CDH12: variants seen among roughly 807,000 people sequenced by gnomAD.
CDH12 encodes cadherin 12.
A neutral mutation model predicts 74.1 loss-of-function variants in CDH12; 41 were observed. The observed-to-expected ratio is 0.55, with a 90% CI of 0.43 to 0.72. The LOEUF (loss-of-function observed/expected upper bound fraction) is 0.72. Among genes scored for constraint, CDH12 ranks in the 30% least tolerant of loss-of-function variants. CDH12 has a pLI of 0.00. For synonymous variants in CDH12, 399 were observed against 355.0 expected (o/e 1.12, Z -1.39); for missense variants, 945 against 977.2 (o/e 0.97, Z 0.44).
chr5:22,071,376 C>T (rs954340578), intron 5 of CDH12, among the ~76,000 whole-genome samples: 1 of 151,924 alleles, frequency 6.6e-6, no homozygotes, highest in African/African-American at 2.4e-5. Context: ...TTTCTTTATG[C>T]TTTAGACAAA....
At chr5:22,432,729 T>C (rs1744226286) in intron 2 of CDH12, among the ~76,000 whole-genome samples, 1 of 152,180 alleles carries the variant, frequency 6.6e-6, no homozygotes, top group Non-Finnish European at 1.5e-5. Flanking sequence ...GCTCACTTCA[T>C]ATTTCCTGTA....
chr5:22,023,800 G>C (rs1738161488), intron 5 of CDH12, among the ~76,000 whole-genome samples: 1 of 152,070 alleles, frequency 6.6e-6, no homozygotes, highest in Non-Finnish European at 1.5e-5. Flanking sequence ...CTCACACTAA[G>C]CTGGTTATGT....
chr5:22,636,562 T>G (rs1160134905), intron 1 of CDH12, among the ~76,000 whole-genome samples: 1 of 152,188 alleles, frequency 6.6e-6, no homozygotes, highest in Non-Finnish European at 1.5e-5. Context: ...AAGAAGCTAG[T>G]TATTTAAAAA....
At chr5:22,228,529 T>C (rs1157423394) in intron 3 of CDH12, among the ~76,000 whole-genome samples, 1 of 152,206 alleles carries the variant, frequency 6.6e-6, no homozygotes, top group Non-Finnish European at 1.5e-5. Context: ...GACAAAAATA[T>C]GTAAATAGAT....
chr5:22,620,866 T>C (rs1293204119), intron 1 of CDH12, among the ~76,000 whole-genome samples: 1 of 152,136 alleles, frequency 6.6e-6, no homozygotes, highest in Non-Finnish European at 1.5e-5. Flanking sequence ...GGTGATAAAA[T>C]TTGTAAAACC....
chr5:22,782,545 C>T (rs896753658), intron 1 of CDH12, among the ~76,000 whole-genome samples: 1 of 152,078 alleles, frequency 6.6e-6, no homozygotes, highest in East Asian at 1.9e-4. Context: ...GTCAATTAAA[C>T]CTCTTTTATT....
chr5:22,562,334 AC>A (rs1309422413), intron 1 of CDH12, among the ~76,000 whole-genome samples: 2 of 133,778 alleles, frequency 1.5e-5, no homozygotes, highest in East Asian at 2.5e-4. Flanking sequence ...AAAACAAAAA[AC>A]AAACAAACAA....
intron 5 of CDH12, among the ~76,000 whole-genome samples, chr5:22,013,144 T>A (rs966460524): frequency 6.6e-6 from 1 of 152,184 alleles, no homozygotes; most frequent in African/African-American, 2.4e-5. Flanking sequence ...GAGGTTTAAC[T>A]GAATTACAAT....
At chr5:22,538,672 G>C (rs1048783749) in intron 1 of CDH12, among the ~76,000 whole-genome samples, 1 of 152,076 alleles carries the variant, frequency 6.6e-6, no homozygotes, top group African/African-American at 2.4e-5. Context: ...TGAAATACCA[G>C]TATTTTTTAT....
intron 3 of CDH12, among the ~76,000 whole-genome samples, chr5:22,315,568 T>C (rs1738597518): frequency 1.3e-5 from 2 of 152,108 alleles, no homozygotes; most frequent in Admixed American, 6.5e-5. Context: ...CATTTACTCA[T>C]AAAATTAAGA....
intron 6 of CDH12, among the ~76,000 whole-genome samples, chr5:21,872,783 G>GATCTATCTATCT (rs60717134): frequency 1.2e-4 from 17 of 142,022 alleles, no homozygotes; most frequent in South Asian, 4.5e-4. Context: ...TTAAGAGTAA[G>GATCTATCTATCT]ATCTATCTAT....
intron 1 of CDH12, among the ~76,000 whole-genome samples, chr5:22,769,122 T>C: frequency 6.6e-6 from 1 of 152,246 alleles, no homozygotes; most frequent in Middle Eastern, 3.4e-3. Flanking sequence ...CTTGATTGAA[T>C]TGAGGGATGC....
chr5:21,826,343 G>A (rs1374340216), intron 8 of CDH12, among the ~76,000 whole-genome samples: 1 of 152,136 alleles, frequency 6.6e-6, no homozygotes, highest in Non-Finnish European at 1.5e-5. Flanking sequence ...TCAGCAAGTA[G>A]TATTTCCACC....
intron 1 of CDH12, among the ~76,000 whole-genome samples, chr5:22,784,593 G>C (rs1198934895): frequency 6.6e-6 from 1 of 151,988 alleles, no homozygotes; most frequent in African/African-American, 2.4e-5. Context: ...AACGATCATG[G>C]CTTGTTACTT....
chr5:22,726,051 A>C (rs1744148235), intron 1 of CDH12, among the ~76,000 whole-genome samples: 1 of 151,760 alleles, frequency 6.6e-6, no homozygotes, highest in Admixed American at 6.6e-5. Flanking sequence ...ACATTGACAC[A>C]TCATTATCAA....
intron 1 of CDH12, among the ~76,000 whole-genome samples, chr5:22,508,803 A>G (rs1736495551): frequency 6.6e-6 from 1 of 152,092 alleles, no homozygotes; most frequent in African/African-American, 2.4e-5. Flanking sequence ...AAACCAATGT[A>G]TGTCTTACAT....
intron 6 of CDH12, among the ~76,000 whole-genome samples, chr5:21,875,462 A>G (rs1038846694): frequency 2.0e-5 from 3 of 150,932 alleles, no homozygotes; most frequent in South Asian, 2.1e-4. Flanking sequence ...CCCTACTTCC[A>G]GTAATTTGTT....
At chr5:22,285,393 C>T (rs1279402948) in intron 3 of CDH12, among the ~76,000 whole-genome samples, 2 of 152,198 alleles carry the variant, frequency 1.3e-5, no homozygotes, top group East Asian at 3.9e-4. Context: ...AGTGTCTAGA[C>T]ATGGATAGAC....
intron 3 of CDH12, among the ~76,000 whole-genome samples, chr5:22,225,143 T>A (rs1752152072): frequency 6.6e-6 from 1 of 152,068 alleles, no homozygotes; most frequent in Non-Finnish European, 1.5e-5. Context: ...AACGATTCGG[T>A]TGCACCCTCT....
Sources: allele counts gnomAD v4.1 joint callset (sites outside exome capture counted in the v4.1 genomes callset), GRCh38; gene constraint gnomAD v4.1.1; transcripts MANE v1.5; gene names NCBI Gene and HGNC (gene_info 2026-07-23, HGNC 2026-07-21).